Variants in CDH13 observed in about 807,000 individuals in gnomAD.
CDH13 encodes cadherin 13, also known as cadherin-13.
CDH13 carries 24 observed loss-of-function variants against 63.8 expected under a neutral mutation model. The observed-to-expected ratio is 0.38, with a 90% CI of 0.27 to 0.53. CDH13 has a LOEUF of 0.53. Ranked by LOEUF, CDH13 falls within the 20% of genes least tolerant of loss-of-function variation. The pLI, the probability that CDH13 is intolerant of heterozygous loss-of-function variation, is 0.85. For synonymous variants in CDH13, 503 were observed against 355.3 expected (o/e 1.42, Z -4.67); for missense variants, 1,049 against 903.1 (o/e 1.16, Z -2.07).
At chr16:83,022,503 G>T (rs1032158552) in intron 2 of CDH13, among the ~76,000 whole-genome samples, 2 of 152,228 alleles carry the variant, frequency 1.3e-5, no homozygotes, top group Non-Finnish European at 2.9e-5. Context: ...TAAACAACGT[G>T]TAGAGCATTT....
intron 3 of CDH13, among the ~76,000 whole-genome samples, chr16:83,084,925 T>C (rs1043950201): frequency 5.3e-5 from 8 of 152,178 alleles, no homozygotes; most frequent in Non-Finnish European, 1.2e-4. Flanking sequence ...GAGGTGTTTT[T>C]CTTGCCTAAC....
At chr16:83,763,048 A>C (rs1914102691) in intron 11 of CDH13, among the ~76,000 whole-genome samples, 1 of 152,184 alleles carries the variant, frequency 6.6e-6, no homozygotes, top group Non-Finnish European at 1.5e-5. Flanking sequence ...TTATATGATT[A>C]TCAAACGCGT....
At chr16:83,251,318 C>T (rs954038374) in intron 5 of CDH13, among the ~76,000 whole-genome samples, 9 of 152,130 alleles carry the variant, frequency 5.9e-5, no homozygotes, top group South Asian at 2.1e-4. Flanking sequence ...TACCAGACAT[C>T]ATGTTAAGTA....
intron 3 of CDH13, among the ~76,000 whole-genome samples, chr16:83,109,510 T>C (rs186801515): frequency 7.9e-4 from 120 of 152,276 alleles, no homozygotes; most frequent in Non-Finnish European, 7.8e-4. Flanking sequence ...GTCAAACCCC[T>C]AATAAATACC....
intron 8 of CDH13, among the ~76,000 whole-genome samples, chr16:83,654,563 C>A (rs1379332883): frequency 6.6e-6 from 1 of 152,020 alleles, no homozygotes; most frequent in Admixed American, 6.5e-5. Context: ...AGATTGTTAG[C>A]CCCAGGATGA....
intron 4 of CDH13, among the ~76,000 whole-genome samples, chr16:83,204,492 A>T (rs140352121): frequency 6.6e-6 from 1 of 152,130 alleles, no homozygotes; most frequent in Non-Finnish European, 1.5e-5. Flanking sequence ...AGCATTTCCT[A>T]TGTCTCAGGT....
At chr16:83,579,569 G>T (rs1905357664) in intron 7 of CDH13, among the ~76,000 whole-genome samples, 1 of 152,016 alleles carries the variant, frequency 6.6e-6, no homozygotes, top group African/African-American at 2.4e-5. Context: ...CCACCCCCTT[G>T]ATCCAGTCAC....
rs1159994317 is a variant in CDH13 at position 83,583,430 on chromosome 16, A to G, written c.961-19024A>G. 3.9e-5 allele frequency among the ~76,000 whole-genome samples: 6 copies of G among 152,236 alleles called. No individual in the cohort carries two copies. The East Asian group carries it at 1.2e-3, about 29-fold the overall frequency. ...CTTAGTTCCTTTGATTTTAAAGCTC[A>G]TATCTCTGTCCAGGATTTATTGCAC... On this transcript the variant is annotated intron_variant, in intron 7 of 13. Transcript: ENST00000567109.
chr16:83,082,276 C>T (rs2033304670), intron 3 of CDH13, among the ~76,000 whole-genome samples: 1 of 152,120 alleles, frequency 6.6e-6, no homozygotes, highest in Non-Finnish European at 1.5e-5. Context: ...TCTCAACAGC[C>T]CAAAAAGTCT....
In CDH13 at chr16:83,707,836, C is replaced by CAAAAAA. The variant is rs61067563; in HGVS notation, c.1538+29392_1538+29397dup. On this transcript the variant is annotated intron_variant, in intron 10 of 13. Transcript: ENST00000567109. ...CATCTTTGGTGAGAGACCCTAAAGG[C>CAAAAAA]AAAAAAAAAAAAAAAAAAAAAAGAG... is the stretch of plus-strand genomic sequence containing the variant. 4.6e-3 allele frequency among the ~76,000 whole-genome samples: 366 copies of CAAAAAA among 78,808 alleles called. 14 individuals carry two copies. Among genetic ancestry groups the CAAAAAA allele is most frequent in the Admixed American group, 0.036 (216 of 6,004 alleles). The allele number at this position is 78,808 out of a possible 152,430, so 51.7% of individuals were successfully genotyped here. A position where few individuals can be genotyped will look rare whatever the true frequency, so the allele number is the denominator to read the frequency against.
intron 4 of CDH13, among the ~76,000 whole-genome samples, chr16:83,154,369 A>G (rs2037118514): frequency 6.6e-6 from 1 of 152,054 alleles, no homozygotes. Flanking sequence ...ATCCAGGCCA[A>G]CATGGTGAAA....
intron 4 of CDH13, among the ~76,000 whole-genome samples, chr16:83,130,626 G>C (rs564772208): frequency 1.3e-5 from 2 of 152,150 alleles, no homozygotes; most frequent in Non-Finnish European, 2.9e-5. Flanking sequence ...CAATTCTTTC[G>C]AGTTTTCTCT....
chr16:82,742,961 T>C (rs1385742654), intron 1 of CDH13, among the ~76,000 whole-genome samples: 1 of 152,212 alleles, frequency 6.6e-6, no homozygotes, highest in Non-Finnish European at 1.5e-5. Flanking sequence ...TGCATAAAAT[T>C]ACTAATTACA....
At chr16:82,880,373 C>T (rs532803905) in intron 2 of CDH13, among the ~76,000 whole-genome samples, 1 of 152,290 alleles carries the variant, frequency 6.6e-6, no homozygotes, top group Admixed American at 6.5e-5. Context: ...GGGTTGATTG[C>T]TTCATATATC....
chr16:83,137,507 GC>G (rs1315206086), intron 4 of CDH13, among the ~76,000 whole-genome samples: 3 of 152,128 alleles, frequency 2.0e-5, no homozygotes, highest in African/African-American at 7.2e-5. Flanking sequence ...ATGTTGACAA[GC>G]AAAAAACGGC....
intron 5 of CDH13, among the ~76,000 whole-genome samples, chr16:83,339,750 C>T (rs1190318241): frequency 2.6e-5 from 4 of 152,182 alleles, no homozygotes; most frequent in Non-Finnish European, 5.9e-5. Flanking sequence ...CCCACCAGTG[C>T]AGGTGGCATC....
chr16:83,118,469 G>A (rs571928733), intron 3 of CDH13, among the ~76,000 whole-genome samples: 35 of 152,268 alleles, frequency 2.3e-4, no homozygotes, highest in African/African-American at 7.0e-4. Flanking sequence ...ATCTGCACGC[G>A]TCTAGTAAAT....
intron 1 of CDH13, among the ~76,000 whole-genome samples, chr16:82,847,689 T>C (rs557018095): frequency 1.3e-5 from 2 of 152,322 alleles, no homozygotes; most frequent in African/African-American, 4.8e-5. Context: ...AGGACATCTT[T>C]AGGGGACTAC....
intron 6 of CDH13, among the ~76,000 whole-genome samples, chr16:83,351,776 G>T (rs898813321): frequency 2.6e-5 from 4 of 152,178 alleles, no homozygotes; most frequent in African/African-American, 9.7e-5. Context: ...GTTATGTTTT[G>T]ATCCCTATTC....
Sources: gnomAD v4.1 joint callset for allele counts (sites outside exome capture counted in the v4.1 genomes callset) on GRCh38, gnomAD v4.1.1 for gene constraint, MANE v1.5 for transcripts, NCBI Gene and HGNC (gene_info 2026-07-23, HGNC 2026-07-21) for gene names.